VGLL4: variants seen among roughly 807,000 people sequenced by gnomAD.
VGLL4 encodes the protein vestigial like family member 4, also known as transcription cofactor vestigial-like protein 4.
VGLL4 carries 7 observed loss-of-function variants against 21.0 expected under a neutral mutation model. The ratio of observed to expected loss-of-function variants is 0.33; its 90% CI spans 0.19 to 0.63. The LOEUF (loss-of-function observed/expected upper bound fraction) is 0.63, where lower values mean the gene tolerates loss of function less well. Among genes scored for constraint, VGLL4 ranks in the 20% least tolerant of loss-of-function variants. The pLI, the probability that VGLL4 is intolerant of heterozygous loss-of-function variation, is 0.78. For missense variants in VGLL4, 394 were observed against 425.7 expected (o/e 0.93, Z 0.66); for synonymous variants, 222 against 173.2 (o/e 1.28, Z -2.21).
At chr3:11,607,493 A>G (rs2074972470) in intron 1 of VGLL4, 1 of 152,168 alleles carries the variant, frequency 6.6e-6, no homozygotes, top group Admixed American at 6.5e-5. Context: ...AAACCTTCTA[A>G]AATTGATTGT....
At chr3:11,706,894 T>C (rs2076768055) in intron 1 of VGLL4, among the ~76,000 whole-genome samples, 1 of 152,184 alleles carries the variant, frequency 6.6e-6, no homozygotes, top group Non-Finnish European at 1.5e-5. Context: ...GTGAGCCTGA[T>C]GCGGGTGGCC....
chr3:11,624,623 T>G (rs1471023121), intron 1 of VGLL4, among the ~76,000 whole-genome samples: 3 of 152,230 alleles, frequency 2.0e-5, no homozygotes, highest in Non-Finnish European at 4.4e-5. Context: ...CTATACTATC[T>G]GCTGCCTTCT....
chr3:11,671,801 CAT>C (rs2076221528), intron 2 of VGLL4, among the ~76,000 whole-genome samples: 3 of 152,114 alleles, frequency 2.0e-5, no homozygotes, highest in Non-Finnish European at 4.4e-5. Context: ...CCCAGCCACA[CAT>C]CTCTTAAAAA....
rs763065024 is a variant in VGLL4 at position 11,590,157 on chromosome 3, G to C, written c.272+11676C>G. On this transcript the variant is annotated intron_variant, in intron 2 of 4. Transcript: ENST00000430365. ...GAGCATCTTGAGAGAAGAGTGTTTTGAGACAGTCTGAGCAGTGGCGAGGGG... is the reference window on the plus strand; with the variant it reads ...GAGCATCTTGAGAGAAGAGTGTTTTCAGACAGTCTGAGCAGTGGCGAGGGG... Among the ~76,000 whole-genome samples, 83 of 152,300 alleles carry C rather than the reference G, an allele frequency of 5.4e-4. 1 individual carries two copies. The highest frequency in any genetic ancestry group is 1.2e-3 in the Admixed American group (19 of 15,310).
chr3:11,573,023 G>A (rs2073835017), intron 2 of VGLL4, among the ~76,000 whole-genome samples: 1 of 151,750 alleles, frequency 6.6e-6, no homozygotes, highest in Non-Finnish European at 1.5e-5. Flanking sequence ...AAAATTAGCT[G>A]GGCTTGGTGG....
chr3:11,607,815 CATT>C (rs1467656050), intron 1 of VGLL4, among the ~76,000 whole-genome samples: 1 of 152,168 alleles, frequency 6.6e-6, no homozygotes, highest in Admixed American at 6.5e-5. Context: ...ATTTTTAAAA[CATT>C]ATTTATTAAG....
At chr3:11,651,350 G>T (rs530923870) in intron 2 of VGLL4, among the ~76,000 whole-genome samples, 1 of 143,948 alleles carries the variant, frequency 6.9e-6, no homozygotes, top group Non-Finnish European at 1.5e-5. Flanking sequence ...AAAAAAAAAA[G>T]AAAGAAAGAA....
intron 3 of VGLL4, among the ~76,000 whole-genome samples, chr3:11,563,966 G>C (rs189567661): frequency 6.6e-6 from 1 of 152,140 alleles, no homozygotes; most frequent in African/African-American, 2.4e-5. Flanking sequence ...CCCCGGTGAG[G>C]CCACAGGGAC....
intron 2 of VGLL4, chr3:11,582,209 G>A: frequency 1.3e-6 from 2 of 1,515,432 alleles, no homozygotes; most frequent in African/African-American, 1.4e-5. Context: ...ATTAATTACA[G>A]CTGAAAATAC....
chr3:11,659,183 A>G (rs2075998401), intron 2 of VGLL4, among the ~76,000 whole-genome samples: 1 of 152,210 alleles, frequency 6.6e-6, no homozygotes, highest in Non-Finnish European at 1.5e-5. Flanking sequence ...TTGGGATCCA[A>G]AGATGAGTAA....
At chr3:11,625,351 C>T (rs373445391) in intron 1 of VGLL4, among the ~76,000 whole-genome samples, 14 of 152,308 alleles carry the variant, frequency 9.2e-5, no homozygotes, top group South Asian at 6.2e-4. Context: ...CTCTAGAAGA[C>T]GTAGTTTATA....
intron 2 of VGLL4, among the ~76,000 whole-genome samples, chr3:11,575,932 A>AGC (rs1484250893): frequency 6.6e-6 from 1 of 152,258 alleles, no homozygotes; most frequent in African/African-American, 2.4e-5. Flanking sequence ...GCTGGCCAGC[A>AGC]GCGCGGAGCC....
In VGLL4 at chr3:11,565,099, T is replaced by C; in HGVS notation, c.273-80A>G. 2.3e-6 allele frequency: 3 copies of C among 1,303,890 alleles called. No individual in the cohort carries two copies. The highest frequency in any genetic ancestry group is 3.0e-6 in the Non-Finnish European group (3 of 998,460). The allele number at this position is 1,303,890 out of a possible 1,614,324, so 80.8% of individuals were successfully genotyped here. A position where few individuals can be genotyped will look rare whatever the true frequency, so the allele number is the denominator to read the frequency against. ...GTGACTGTGCGCCAGGCACTCCGTG[T>C]TGCTTATTTAATTTTTTACCCTGAA... is the stretch of plus-strand genomic sequence containing the variant. On this transcript the variant is annotated intron_variant, in intron 2 of 4. Transcript: ENST00000430365. The surrounding 1 kb of genome is among the most constrained non-coding windows in gnomAD (Gnocchi z 4.1).
upstream of VGLL4, among the ~76,000 whole-genome samples, chr3:11,721,455 A>C (rs768796187): frequency 6.6e-6 from 1 of 152,220 alleles, no homozygotes; most frequent in Non-Finnish European, 1.5e-5. Flanking sequence ...GGGACAACCC[A>C]ACTTACAAGT....
At chr3:11,699,854 A>G (rs1435581750) in intron 2 of VGLL4, among the ~76,000 whole-genome samples, 1 of 152,030 alleles carries the variant, frequency 6.6e-6, no homozygotes, top group Non-Finnish European at 1.5e-5. Flanking sequence ...TCTACAGTCT[A>G]TTTTCTGATT....
intron 1 of VGLL4, among the ~76,000 whole-genome samples, chr3:11,625,300 T>C (rs1406417338): frequency 6.6e-6 from 1 of 152,250 alleles, no homozygotes; most frequent in Non-Finnish European, 1.5e-5. Context: ...TAAATAGGAT[T>C]GCTAGCATTT....
intron 1 of VGLL4, among the ~76,000 whole-genome samples, chr3:11,602,368 T>G (rs1411422624): frequency 6.6e-6 from 1 of 152,152 alleles, no homozygotes; most frequent in Non-Finnish European, 1.5e-5. Flanking sequence ...GTGTGGGTAT[T>G]CCACTCGATA....
intron 2 of VGLL4, among the ~76,000 whole-genome samples, chr3:11,678,899 C>T (rs1402478667): frequency 1.3e-5 from 2 of 152,170 alleles, no homozygotes; most frequent in African/African-American, 4.8e-5. Flanking sequence ...CTATAAAGAG[C>T]TAAAAAATTC....
intron 2 of VGLL4, among the ~76,000 whole-genome samples, chr3:11,649,474 A>T (rs1019903271): frequency 6.6e-6 from 1 of 152,214 alleles, no homozygotes; most frequent in Non-Finnish European, 1.5e-5. Context: ...CCTATAATGA[A>T]GATGCGGATA....
Sources: gnomAD v4.1 joint callset for allele counts (sites outside exome capture counted in the v4.1 genomes callset) on GRCh38, gnomAD v4.1.1 for gene constraint, Gnocchi (gnomAD v3.1) non-coding constraint, MANE v1.5 for transcripts, NCBI Gene and HGNC (gene_info 2026-07-23, HGNC 2026-07-21) for gene names.